Variants in SERPINE2 observed in about 807,000 individuals in gnomAD.
SERPINE2 encodes the protein glia-derived nexin.
In SERPINE2, 14 loss-of-function variants were observed where a neutral mutation model predicts 36.3. That is an observed-to-expected ratio of 0.39 (90% CI 0.25 to 0.60). SERPINE2 has a LOEUF of 0.60. Among genes scored for constraint, SERPINE2 ranks in the 20% least tolerant of loss-of-function variants. SERPINE2 has a pLI of 0.57. For missense variants in SERPINE2, 418 were observed against 499.6 expected (o/e 0.84, Z 1.56); for synonymous variants, 192 against 191.8 (o/e 1.00, Z -0.01).
At chr2:224,016,309 C>T (rs1402474873) in intron 1 of SERPINE2, among the ~76,000 whole-genome samples, 1 of 152,180 alleles carries the variant, frequency 6.6e-6, no homozygotes, top group East Asian at 1.9e-4. Context: ...AGTTCAAGAC[C>T]AGCCTCACTA....
At chr2:224,000,082 G>A (rs1691051705) in intron 2 of SERPINE2, among the ~76,000 whole-genome samples, 1 of 152,208 alleles carries the variant, frequency 6.6e-6, no homozygotes, top group South Asian at 2.1e-4. Flanking sequence ...CGGGTGCAGA[G>A]CGAGGCACTG....
In SERPINE2 at chr2:224,001,482, G is replaced by A. The variant is rs910657983; in HGVS notation, c.259+160C>T. 27 of 717,768 alleles carry A rather than the reference G, an allele frequency of 3.8e-5. No homozygotes were observed. The African/African-American group carries it at 4.9e-4, about 13-fold the overall frequency. 44.5% of individuals were successfully genotyped at this position (717,768 alleles called of 1,614,324 possible). A position where few individuals can be genotyped will look rare whatever the true frequency, so the allele number is the denominator to read the frequency against. Reference sequence around the variant, plus strand: ...CCTAACTGCCAGCACCACAGTGTTTGTTCTTTAGAAGAGACTGACCCCAAG... The same window carrying A: ...CCTAACTGCCAGCACCACAGTGTTTATTCTTTAGAAGAGACTGACCCCAAG... On this transcript the variant is annotated intron_variant, in intron 2 of 8. Transcript: ENST00000409304.
chr2:223,980,547 G>C (rs921791929), intron 6 of SERPINE2, 150 bp from the exon 7 acceptor site: 3 of 618,422 alleles, frequency 4.9e-6, no homozygotes, highest in East Asian at 5.8e-5. Flanking sequence ...GGTGTTGAAG[G>C]CTGCAGACAG....
intron 1 of SERPINE2, among the ~76,000 whole-genome samples, chr2:224,015,045 G>A (rs1691753636): frequency 6.6e-6 from 1 of 151,876 alleles, no homozygotes; most frequent in African/African-American, 2.4e-5. Context: ...CATCTGGTAG[G>A]TGGGGGCCAG....
At chr2:224,002,069 T>C (rs950838991) in intron 1 of SERPINE2, 147 bp from the exon 2 acceptor site, 4 of 707,078 alleles carry the variant, frequency 5.7e-6, no homozygotes, top group African/African-American at 3.6e-5. Context: ...CTCCGCCTCC[T>C]GGGTTCAAGC....
At chr2:224,016,635 A>G (rs567895903) in intron 1 of SERPINE2, among the ~76,000 whole-genome samples, 84 of 152,230 alleles carry the variant, frequency 5.5e-4, no homozygotes, top group Admixed American at 1.6e-3. Context: ...GACATTTATT[A>G]GAGAGAAATG....
At chr2:224,020,822 A>G (rs1048937937) in intron 1 of SERPINE2, among the ~76,000 whole-genome samples, 1 of 152,218 alleles carries the variant, frequency 6.6e-6, no homozygotes, top group Non-Finnish European at 1.5e-5. Context: ...TGCATTCCCT[A>G]TTTTAAATGT....
intron 1 of SERPINE2, among the ~76,000 whole-genome samples, chr2:224,027,174 A>G (rs180682338): frequency 6.6e-6 from 1 of 152,308 alleles, no homozygotes; most frequent in East Asian, 1.9e-4. Flanking sequence ...GCTTGGCATT[A>G]GCACTACTGA....
At chr2:224,028,228 A>G (rs920251) in intron 1 of SERPINE2, among the ~76,000 whole-genome samples, 99,303 of 152,102 alleles carry the variant, frequency 0.65, 32,574 homozygotes, top group South Asian at 0.71. Flanking sequence ...TTTGCCAAGC[A>G]ACTTGAGTCA....
rs538717293 is a variant in SERPINE2, at chr2:224,017,434, T to C, written c.-22-15512A>G. 1.7e-3 allele frequency among the ~76,000 whole-genome samples: 262 copies of C among 152,328 alleles called. 1 individual carries two copies. The highest frequency in any genetic ancestry group is 6.8e-3 in the Middle Eastern group (2 of 294). On this transcript the variant is annotated intron_variant, in intron 1 of 8. Coordinates refer to ENST00000409304, the MANE Select transcript of SERPINE2 (RefSeq NM_001136528.2). ...CTGCAAATGTACAATCACACAAAAA[T>C]GTAATATTTTTGGTCCTTTCAAAAA...
intron 1 of SERPINE2, among the ~76,000 whole-genome samples, chr2:224,008,060 G>A (rs1018796463): frequency 6.6e-5 from 10 of 152,332 alleles, no homozygotes; most frequent in Middle Eastern, 3.4e-3. Context: ...CAGTTATTAT[G>A]TGGCCCTCTA....
chr2:224,007,161 T>G (rs530741082), intron 1 of SERPINE2, among the ~76,000 whole-genome samples: 51 of 152,358 alleles, frequency 3.3e-4, no homozygotes, highest in African/African-American at 9.1e-4. Context: ...GTCTGCTCTA[T>G]GTAGCATAAT....
At chr2:224,032,958 T>G (rs917906591) in intron 1 of SERPINE2, among the ~76,000 whole-genome samples, 10 of 152,314 alleles carry the variant, frequency 6.6e-5, no homozygotes, top group African/African-American at 2.2e-4. Flanking sequence ...ACTCACTGAC[T>G]GTAGAAATAG....
rs1013292783 is a variant in SERPINE2 at position 224,031,309 on chromosome 2, T to C, written c.-23+7790A>G. 5.1e-6 allele frequency: 5 copies of C among 985,208 alleles called. No individual in the cohort carries two copies. In the African/African-American group the frequency reaches 8.7e-5, roughly 17 times the overall value. The allele number at this position is 985,208 out of a possible 1,614,324, so 61.0% of individuals were successfully genotyped here. ...GGACCCTTTATCTCTGCCACACCCT[T>C]CCTTCCCAACTACATGAGTGGGAAT... On this transcript the variant is annotated intron_variant, in intron 1 of 8. Coordinates refer to ENST00000409304, the MANE Select transcript of SERPINE2 (RefSeq NM_001136528.2).
chr2:223,997,204 TTTTG>T (rs1380624644), intron 3 of SERPINE2, among the ~76,000 whole-genome samples: 1 of 136,842 alleles, frequency 7.3e-6, no homozygotes, highest in East Asian at 2.0e-4. Flanking sequence ...ATTAAGGTTT[TTTTG>T]TTTTTTTGTT....
At chr2:223,984,459 A>G (rs1690347412) in intron 5 of SERPINE2, among the ~76,000 whole-genome samples, 1 of 152,210 alleles carries the variant, frequency 6.6e-6, no homozygotes, top group South Asian at 2.1e-4. Context: ...ATACAATGAG[A>G]TATGTCAAAA....
At chr2:224,032,731 G>T (rs1692420133) in intron 1 of SERPINE2, among the ~76,000 whole-genome samples, 1 of 152,186 alleles carries the variant, frequency 6.6e-6, no homozygotes, top group Admixed American at 6.5e-5. Flanking sequence ...CAAAAGCCTG[G>T]GTGTTCCTGA....
intron 1 of SERPINE2, among the ~76,000 whole-genome samples, chr2:224,015,532 T>C (rs1014971559): frequency 1.3e-5 from 2 of 152,204 alleles, no homozygotes; most frequent in Non-Finnish European, 1.5e-5. Flanking sequence ...TTTCATACCA[T>C]CATCACCTTA....
chr2:224,001,217 C>T (rs1285207510), intron 2 of SERPINE2, among the ~76,000 whole-genome samples: 1 of 152,178 alleles, frequency 6.6e-6, no homozygotes, highest in East Asian at 1.9e-4. Flanking sequence ...ACAATCAAGA[C>T]CCAGGATGGC....
Sources: gnomAD v4.1 joint callset for allele counts (sites outside exome capture counted in the v4.1 genomes callset) on GRCh38, gnomAD v4.1.1 for gene constraint, MANE v1.5 for transcripts, NCBI Gene and HGNC (gene_info 2026-07-23, HGNC 2026-07-21) for gene names.